Variants in STXBP5L observed in about 807,000 individuals in gnomAD.
STXBP5L encodes the protein syntaxin-binding protein 5-like.
Under a neutral mutation model 144.5 loss-of-function variants are expected in STXBP5L, and 65 were observed. The observed-to-expected ratio is 0.45, with a 90% CI of 0.37 to 0.55. The LOEUF (loss-of-function observed/expected upper bound fraction) is 0.55. Ranked by LOEUF, STXBP5L falls within the 20% of genes least tolerant of loss-of-function variation. The pLI, the probability that STXBP5L is intolerant of heterozygous loss-of-function variation, is 0.00. For synonymous variants in STXBP5L, 505 were observed against 469.6 expected, an observed-to-expected ratio of 1.08 and a Z score of -0.97; for missense variants, 1,298 against 1,405.5, an observed-to-expected ratio of 0.92 and a Z score of 1.22.
At chr3:121,329,443 T>C (rs1404659821) in intron 20 of STXBP5L, among the ~76,000 whole-genome samples, 1 of 152,176 alleles carries the variant, frequency 6.6e-6, no homozygotes, top group Non-Finnish European at 1.5e-5. Context: ...CAATAAATGG[T>C]AAAGAAAAGT....
chr3:121,106,129 G>A (rs2043690782), intron 5 of STXBP5L, among the ~76,000 whole-genome samples: 2 of 151,998 alleles, frequency 1.3e-5, no homozygotes, highest in Admixed American at 1.3e-4. Flanking sequence ...GGAGTCTATA[G>A]AAATTATTAC....
intron 3 of STXBP5L, among the ~76,000 whole-genome samples, chr3:121,025,959 GT>G (rs1325531744): frequency 2.8e-5 from 4 of 143,138 alleles, no homozygotes; most frequent in Non-Finnish European, 6.1e-5. Context: ...ATATCATAAT[GT>G]ATAATATATT....
At chr3:121,347,271 G>A (rs2045034622) in intron 20 of STXBP5L, among the ~76,000 whole-genome samples, 1 of 151,986 alleles carries the variant, frequency 6.6e-6, no homozygotes, top group Non-Finnish European at 1.5e-5. Flanking sequence ...GTAGATATGT[G>A]GCATTATTTC....
Position 121,251,565 on chromosome 3 carries a change from C to A in STXBP5L, c.1441+802C>A, listed in dbSNP as rs1218962668. 2.0e-5 allele frequency among the ~76,000 whole-genome samples: 3 copies of A among 151,988 alleles called. No homozygotes were observed. The East Asian group carries it at 5.8e-4, about 29-fold the overall frequency. On this transcript the variant is annotated intron_variant, in intron 15 of 26. Coordinates refer to ENST00000471454, the MANE Select transcript of STXBP5L (RefSeq NM_001308330.2). The stretch of plus-strand genomic sequence containing the variant: ...CTCTAAGTTTCTGAAGATGAGTAAC[C>A]AGGAAGATGTAGGTAACTCTTTTGG...
intron 9 of STXBP5L, among the ~76,000 whole-genome samples, chr3:121,190,404 G>A (rs1180826209): frequency 6.6e-6 from 1 of 152,204 alleles, no homozygotes; most frequent in Non-Finnish European, 1.5e-5. Context: ...TCCCAAGGCA[G>A]AAGAATTTTT....
At chr3:121,390,251 T>A (rs1350595806) in intron 22 of STXBP5L, among the ~76,000 whole-genome samples, 4 of 152,154 alleles carry the variant, frequency 2.6e-5, no homozygotes. Context: ...TAGATCTTCC[T>A]CCATCCCTTT....
intron 3 of STXBP5L, among the ~76,000 whole-genome samples, chr3:121,032,628 A>G (rs1946453203): frequency 7.5e-6 from 1 of 134,002 alleles, no homozygotes; most frequent in Non-Finnish European, 1.6e-5. Flanking sequence ...ATCAGAGTGA[A>G]CAGGCAACCT....
At chr3:121,212,163 T>C (rs928590760) in intron 10 of STXBP5L, among the ~76,000 whole-genome samples, 11 of 152,302 alleles carry the variant, frequency 7.2e-5, no homozygotes, top group African/African-American at 2.4e-4. Context: ...ATTCTGTAGG[T>C]TGCCTGTTCA....
At chr3:121,265,229 C>T (rs1242090735) in intron 18 of STXBP5L, among the ~76,000 whole-genome samples, 1 of 152,130 alleles carries the variant, frequency 6.6e-6, no homozygotes, top group Non-Finnish European at 1.5e-5. Flanking sequence ...GGAAGTAAAA[C>T]ACTCCTCAGC....
At chr3:121,160,089 TTTTTG>T (rs1487648295) in intron 9 of STXBP5L, among the ~76,000 whole-genome samples, 2 of 152,220 alleles carry the variant, frequency 1.3e-5, no homozygotes, top group African/African-American at 4.8e-5. Flanking sequence ...ATTCTGTTCA[TTTTTG>T]TTTTATGTAT....
chr3:120,913,504 A>T (rs1708954181), intron 2 of STXBP5L, among the ~76,000 whole-genome samples: 1 of 152,088 alleles, frequency 6.6e-6, no homozygotes, highest in Non-Finnish European at 1.5e-5. Flanking sequence ...ATATTAAAGC[A>T]GAGAGCAATT....
intron 5 of STXBP5L, among the ~76,000 whole-genome samples, chr3:121,062,194 C>T (rs1454366416): frequency 6.6e-6 from 1 of 152,198 alleles, no homozygotes; most frequent in Non-Finnish European, 1.5e-5. Context: ...CTGGTGGTGA[C>T]AAAATCTCTC....
In STXBP5L at chr3:121,004,848, T is replaced by C. The variant is rs1576633161; in HGVS notation, c.288-36852T>C. 3.3e-5 allele frequency among the ~76,000 whole-genome samples: 5 copies of C among 152,318 alleles called. No homozygotes were observed. In the South Asian group the frequency reaches 8.3e-4, roughly 25 times the overall value. On this transcript the variant is annotated intron_variant, in intron 3 of 26. Transcript: ENST00000471454. ...CATTGGTTTTATTTATATGCTGGAT[T>C]ACGTTTATTGATTTGCATATGTTGA...
chr3:121,041,890 A>G, intron 4 of STXBP5L, 109 bp downstream of exon 4: 5 of 685,568 alleles, frequency 7.3e-6, no homozygotes, highest in Admixed American at 7.1e-5. Context: ...ATATATATGC[A>G]TGCAATATTA....
intron 7 of STXBP5L, among the ~76,000 whole-genome samples, chr3:121,124,467 A>G (rs529787739): frequency 1.3e-5 from 2 of 152,102 alleles, no homozygotes; most frequent in South Asian, 2.1e-4. Flanking sequence ...TTTGCTATAT[A>G]ACTATAAATT....
chr3:121,014,459 A>T (rs545315141), intron 3 of STXBP5L, among the ~76,000 whole-genome samples: 4 of 151,996 alleles, frequency 2.6e-5, no homozygotes, highest in African/African-American at 9.7e-5. Context: ...ATAATGATTT[A>T]ATCTTGTAGT....
intron 20 of STXBP5L, among the ~76,000 whole-genome samples, chr3:121,367,704 C>T (rs1320461523): frequency 7.1e-6 from 1 of 141,154 alleles, no homozygotes; most frequent in Non-Finnish European, 1.5e-5. Flanking sequence ...ACATCCTGGA[C>T]TCAAATAGAT....
intron 9 of STXBP5L, among the ~76,000 whole-genome samples, chr3:121,197,659 C>G (rs2047973890): frequency 6.6e-6 from 1 of 152,078 alleles, no homozygotes; most frequent in South Asian, 2.1e-4. Flanking sequence ...CCCCATCACC[C>G]CTACCCCACA....
intron 19 of STXBP5L, among the ~76,000 whole-genome samples, chr3:121,317,980 C>A (rs1344850056): frequency 2.6e-5 from 4 of 151,644 alleles, no homozygotes; most frequent in Non-Finnish European, 5.9e-5. Flanking sequence ...TTGTTAAAAC[C>A]CCTTCTAATT....
Sources: allele counts gnomAD v4.1 joint callset (sites outside exome capture counted in the v4.1 genomes callset), GRCh38; gene constraint gnomAD v4.1.1; transcripts MANE v1.5; gene names NCBI Gene and HGNC (gene_info 2026-07-23, HGNC 2026-07-21).